Variants in ASMT observed in about 807,000 individuals in gnomAD.
ASMT encodes the protein acetylserotonin N-methyltransferase.
ASMT carries 53 observed loss-of-function variants against 41.3 expected under a neutral mutation model. The observed-to-expected ratio is 1.28, with a 90% CI of 1.03 to 1.61. The LOEUF is 1.61. Ranked by LOEUF, ASMT falls within the 40% of genes most tolerant of loss-of-function variation. ASMT has a pLI of 0.00. For missense variants in ASMT, 531 were observed against 441.3 expected (o/e 1.20, Z -1.82); for synonymous variants, 231 against 184.8 (o/e 1.25, Z -2.03).
chrX:1,620,998 G>C (rs1258610565), intron 1 of ASMT, among the ~76,000 whole-genome samples: 1 of 151,712 alleles, frequency 6.6e-6, no homozygotes, highest in Non-Finnish European at 1.5e-5. Flanking sequence ...CGGGAGGCTG[G>C]GGCAAGAGAA....
Position 1,624,718 on chromosome X carries a change from GA to G in ASMT, c.374+321del, listed in dbSNP as rs1244054450. Among the ~76,000 whole-genome samples the G allele has an allele frequency of 1.2e-4, 6 of 50,932 alleles. 1 individual carries two copies. Among genetic ancestry groups the G allele is most frequent in the Non-Finnish European group, 2.1e-4 (6 of 28,230 alleles). The allele number at this position is 50,932 out of a possible 152,430, so 33.4% of individuals were successfully genotyped here. A position where few individuals can be genotyped will look rare whatever the true frequency, so the allele number is the denominator to read the frequency against. Reference sequence around the variant, plus strand: ...AGGCAGATGCTGGGAGGTGGGGGCTGACCCCAGGCAGATGCTGGGAGGTGGT... The same window carrying G: ...AGGCAGATGCTGGGAGGTGGGGGCTGCCCCAGGCAGATGCTGGGAGGTGGT... On this transcript the variant is annotated intron_variant, in intron 3 of 8. Coordinates refer to ENST00000381241, the MANE Select transcript of ASMT (RefSeq NM_001171038.2).
Position 1,643,025 on chromosome X carries a change from T to A in ASMT, c.*11T>A. The A allele has an allele frequency of 6.2e-7, 1 of 1,613,656 alleles. No individual in the cohort carries two copies. ...TTAGCCAGGAAATAACTGTTTCTTG[T>A]GACCTGGAACTAACGTCAAAGCACA... is the stretch of plus-strand genomic sequence containing the variant. On this transcript the variant is annotated 3_prime_UTR_variant, in exon 9 of 9. Coordinates refer to ENST00000381241, the MANE Select transcript of ASMT (RefSeq NM_001171038.2).
At chrX:1,616,730 A>G (rs1340803154) in intron 1 of ASMT, among the ~76,000 whole-genome samples, 1 of 150,214 alleles carries the variant, frequency 6.7e-6, no homozygotes, top group Non-Finnish European at 1.5e-5. Flanking sequence ...TCTTTTTGAG[A>G]CAGAGTCTCG....
At chrX:1,627,184 G>C (rs775672036) in intron 3 of ASMT, among the ~76,000 whole-genome samples, 21 of 150,744 alleles carry the variant, frequency 1.4e-4, no homozygotes, top group African/African-American at 4.9e-4. Flanking sequence ...AAATTAGCCA[G>C]GCACGGTGGC....
At chrX:1,625,683 A>G (rs1307042382) in intron 3 of ASMT, among the ~76,000 whole-genome samples, 4 of 151,974 alleles carry the variant, frequency 2.6e-5, no homozygotes, top group African/African-American at 7.2e-5. Context: ...GGCCGGACGC[A>G]GTAGCCCATG....
chrX:1,619,487 T>A (rs1427008153), intron 1 of ASMT, among the ~76,000 whole-genome samples: 1 of 148,742 alleles, frequency 6.7e-6, no homozygotes, highest in Non-Finnish European at 1.5e-5. Flanking sequence ...CAAACCACCA[T>A]GGCACATGTA....
chrX:1,635,175 G>A (rs1208498563), intron 7 of ASMT, among the ~76,000 whole-genome samples: 2 of 146,468 alleles, frequency 1.4e-5, no homozygotes, highest in African/African-American at 5.1e-5. Flanking sequence ...TGGTAGAGAT[G>A]GGGTTTCACC....
At position 1,636,888 on chromosome X, in the gene ASMT, G is replaced by A. The variant is rs190444383; in HGVS notation, c.910+328G>A. ...CTTCTGAGGTCCACCCATCCTGATG[G>A]TTCATGAGGATGTGGGCACAGCCTC... On this transcript the variant is annotated intron_variant, in intron 8 of 8. Coordinates refer to ENST00000381241, the MANE Select transcript of ASMT (RefSeq NM_001171038.2). Among the ~76,000 whole-genome samples the A allele has an allele frequency of 3.1e-4, 46 of 150,462 alleles. 1 individual carries two copies. In the South Asian group the frequency reaches 8.5e-3, roughly 28 times the overall value.
chrX:1,618,215 G>T (rs1462162967), intron 1 of ASMT, among the ~76,000 whole-genome samples: 1 of 152,006 alleles, frequency 6.6e-6, no homozygotes, highest in Non-Finnish European at 1.5e-5. Flanking sequence ...CCAGGCTGGA[G>T]TGCAGTGGCA....
At chrX:1,619,588 A>AAT (rs1177964970) in intron 1 of ASMT, among the ~76,000 whole-genome samples, 3 of 143,662 alleles carry the variant, frequency 2.1e-5, no homozygotes, top group Non-Finnish European at 4.5e-5. Context: ...TAATAATAAT[A>AAT]AAAAGTCTTT....
intron 3 of ASMT, among the ~76,000 whole-genome samples, chrX:1,624,720 C>A (rs1192712288): frequency 2.1e-5 from 1 of 46,526 alleles, no homozygotes; most frequent in Non-Finnish European, 3.8e-5. Context: ...TGGGGGCTGA[C>A]CCCAGGCAGA....
Position 1,636,414 on chromosome X carries a change from C to T in ASMT, c.788-24C>T, listed in dbSNP as rs376982012. ...ATGGGATTGGATTGCAGGCTGACCT[C>T]GGTGTGCCTGCCCTGTGTTCCAGGG... On this transcript the variant is annotated intron_variant, in intron 7 of 8. Coordinates refer to ENST00000381241, the MANE Select transcript of ASMT (RefSeq NM_001171038.2). 392 of 1,613,884 alleles carry T rather than the reference C, an allele frequency of 2.4e-4. 9 individuals are homozygous for T. In the South Asian group the frequency reaches 3.8e-3, roughly 16 times the overall value.
At chrX:1,624,159 G>C in intron 2 of ASMT, 110 bp from the exon 3 acceptor site, 14 of 1,424,662 alleles carry the variant, frequency 9.8e-6, no homozygotes, top group East Asian at 4.6e-5. Flanking sequence ...CTAAAGAAGA[G>C]ATGGGCTTGT....
At chrX:1,630,485 T>C (rs1264957328) in intron 5 of ASMT, among the ~76,000 whole-genome samples, 4 of 152,040 alleles carry the variant, frequency 2.6e-5, no homozygotes, top group African/African-American at 9.7e-5. Flanking sequence ...TTTGTATTTT[T>C]TAATAGAGAC....
chrX:1,623,469 T>G (rs1247509903), intron 2 of ASMT, 156 bp downstream of exon 2: 11 of 378,898 alleles, frequency 2.9e-5, no homozygotes, highest in African/African-American at 6.5e-5. Context: ...TGTGGTGGCG[T>G]GCACCTGTCA....
intron 5 of ASMT, among the ~76,000 whole-genome samples, chrX:1,630,300 A>ATTTTTTTTTTT (rs36011956): frequency 1.4e-5 from 1 of 71,098 alleles, no homozygotes. Context: ...CACCAGGCTA[A>ATTTTTTTTTTT]TTTTTTTTTT....
rs183294433 is a variant in ASMT at position 1,642,663 on chromosome X, G to T, written c.911-140G>T. On this transcript the variant is annotated intron_variant, in intron 8 of 8. Coordinates refer to ENST00000381241, the MANE Select transcript of ASMT (RefSeq NM_001171038.2). The stretch of plus-strand genomic sequence containing the variant: ...CCATCCTGATGATCGATGAGGACGT[G>T]GGCACAGCCTCTGAGTGTGTGATGG... 1,460 of 765,920 alleles carry T rather than the reference G, an allele frequency of 1.9e-3. 5 individuals are homozygous for T. Among genetic ancestry groups the T allele is most frequent in the Middle Eastern group, 2.9e-3 (8 of 2,744 alleles). 47.4% of individuals were successfully genotyped at this position (765,920 alleles called of 1,614,324 possible).
At position 1,620,166 on chromosome X, in the gene ASMT, CTTTT is replaced by C. The variant is rs1180256764; in HGVS notation, c.70-2953_70-2950del. Among the ~76,000 whole-genome samples the C allele has an allele frequency of 4.8e-3, 453 of 95,332 alleles. 1 individual carries two copies. The highest frequency in any genetic ancestry group is 0.019 in the African/African-American group (434 of 22,744). The allele number at this position is 95,332 out of a possible 152,430, so 62.5% of individuals were successfully genotyped here. A position where few individuals can be genotyped will look rare whatever the true frequency, so the allele number is the denominator to read the frequency against. On this transcript the variant is annotated intron_variant, in intron 1 of 8. Coordinates refer to ENST00000381241, the MANE Select transcript of ASMT (RefSeq NM_001171038.2). ...CATTAAAGAACAAGAATTAATATAG[CTTTT>C]TTTTTTTTTTTTTTTTTTTGAGACC... is the stretch of plus-strand genomic sequence containing the variant.
At chrX:1,641,668 A>G (rs1935175749) in intron 8 of ASMT, among the ~76,000 whole-genome samples, 1 of 143,902 alleles carries the variant, frequency 6.9e-6, no homozygotes, top group Non-Finnish European at 1.5e-5. Flanking sequence ...GTCCATGAGT[A>G]CATGGACACA....
Sources: allele counts gnomAD v4.1 joint callset (sites outside exome capture counted in the v4.1 genomes callset), GRCh38; gene constraint gnomAD v4.1.1; transcripts MANE v1.5; gene names NCBI Gene and HGNC (gene_info 2026-07-23, HGNC 2026-07-21).